HHAT: variants seen among roughly 807,000 people sequenced by gnomAD.
HHAT encodes the protein protein-cysteine N-palmitoyltransferase HHAT.
HHAT carries 47 observed loss-of-function variants against 70.8 expected under a neutral mutation model. The ratio of observed to expected loss-of-function variants is 0.66; its 90% CI spans 0.53 to 0.85. The LOEUF (loss-of-function observed/expected upper bound fraction) is 0.85, where lower values mean the gene tolerates loss of function less well. HHAT is among the 40% of genes least tolerant of loss of function. HHAT has a pLI of 0.00. For synonymous variants in HHAT, 228 were observed against 247.6 expected (o/e 0.92, Z 0.74); for missense variants, 609 against 604.8 (o/e 1.01, Z -0.07).
At chr1:210,425,192 G>A (rs112464626) in intron 7 of HHAT, among the ~76,000 whole-genome samples, 7,330 of 152,160 alleles carry the variant, frequency 0.048, 225 homozygotes, top group Non-Finnish European at 0.068. Context: ...ATTACTTAAT[G>A]AGATTGTTTA....
intron 9 of HHAT, among the ~76,000 whole-genome samples, chr1:210,547,474 C>T (rs2095493567): frequency 6.6e-6 from 1 of 152,164 alleles, no homozygotes. Flanking sequence ...CATATGGAAT[C>T]CCGTTAAGAA....
chr1:210,397,605 A>G (rs2091862087), intron 4 of HHAT, among the ~76,000 whole-genome samples: 1 of 151,946 alleles, frequency 6.6e-6, no homozygotes, highest in Admixed American at 6.6e-5. Flanking sequence ...GGTTGATGTC[A>G]GAAGCTTAAT....
At chr1:210,525,626 A>C (rs2095233993) in intron 9 of HHAT, among the ~76,000 whole-genome samples, 1 of 152,214 alleles carries the variant, frequency 6.6e-6, no homozygotes, top group East Asian at 1.9e-4. Context: ...GAGACAATCC[A>C]GATTTAAAAA....
intron 10 of HHAT, among the ~76,000 whole-genome samples, chr1:210,618,395 C>T (rs554964563): frequency 6.6e-6 from 1 of 152,140 alleles, no homozygotes; most frequent in South Asian, 2.1e-4. Flanking sequence ...CCTCTCTTAC[C>T]CTCTGGTTAG....
At position 210,352,328 on chromosome 1, in the gene HHAT, C is replaced by G. The variant is rs983330525; in HGVS notation, c.91+3262C>G. 7.9e-5 allele frequency among the ~76,000 whole-genome samples: 12 copies of G among 152,190 alleles called. 1 individual carries two copies. The highest frequency in any genetic ancestry group is 2.9e-4 in the African/African-American group (12 of 41,454). On this transcript the variant is annotated intron_variant, in intron 2 of 11. Transcript: ENST00000261458. ...CTCAAATGCTTTTGCCAGTTTACCT[C>G]ACGGGAGCCAGATCCCCATGCCATG...
At chr1:210,383,821 G>A (rs2090841048) in intron 3 of HHAT, among the ~76,000 whole-genome samples, 2 of 152,186 alleles carry the variant, frequency 1.3e-5, no homozygotes, top group South Asian at 4.1e-4. Context: ...AGATTGTTAT[G>A]AGGCTGTAAT....
intron 9 of HHAT, among the ~76,000 whole-genome samples, chr1:210,520,386 C>G (rs1354190496): frequency 6.6e-6 from 1 of 152,156 alleles, no homozygotes; most frequent in African/African-American, 2.4e-5. Flanking sequence ...AGGACTTACT[C>G]CTGCCATTTT....
intron 11 of HHAT, among the ~76,000 whole-genome samples, chr1:210,628,327 AAAAG>A (rs1003276501): frequency 4.0e-5 from 6 of 149,046 alleles, no homozygotes; most frequent in African/African-American, 1.5e-4. Flanking sequence ...TTGTTTAAAA[AAAAG>A]AAAAAAAAGG....
chr1:210,630,194 A>G (rs1189955802), intron 11 of HHAT, among the ~76,000 whole-genome samples: 1 of 152,094 alleles, frequency 6.6e-6, no homozygotes, highest in Non-Finnish European at 1.5e-5. Context: ...GCCTGCCCGG[A>G]TAGTCCAGAG....
intron 3 of HHAT, among the ~76,000 whole-genome samples, chr1:210,380,578 A>G (rs902748795): frequency 6.6e-6 from 1 of 152,000 alleles, no homozygotes; most frequent in Non-Finnish European, 1.5e-5. Context: ...TAAAAAGCAC[A>G]ATGGGATAAG....
At chr1:210,472,936 A>G (rs1035377455) in intron 8 of HHAT, among the ~76,000 whole-genome samples, 13 of 152,180 alleles carry the variant, frequency 8.5e-5, no homozygotes, top group African/African-American at 3.1e-4. Context: ...CTGGGTTAAG[A>G]GAAGGGGTTG....
intron 11 of HHAT, among the ~76,000 whole-genome samples, chr1:210,653,897 G>C (rs920869018): frequency 6.6e-6 from 1 of 152,282 alleles, no homozygotes; most frequent in Non-Finnish European, 1.5e-5. Context: ...CAGTGGAATA[G>C]TGTGACGGGA....
At chr1:210,362,725 G>A (rs1338617181) in intron 2 of HHAT, 127 bp from the exon 3 acceptor site, 6 of 704,268 alleles carry the variant, frequency 8.5e-6, no homozygotes, top group South Asian at 1.7e-5. Context: ...GTATGTTTCC[G>A]TGCCTGCACC....
intron 3 of HHAT, among the ~76,000 whole-genome samples, chr1:210,370,666 G>A (rs1248194915): frequency 7.0e-6 from 1 of 143,096 alleles, no homozygotes; most frequent in African/African-American, 2.6e-5. Context: ...CCAGGCTGGA[G>A]TGCAGTGACA....
chr1:210,489,860 C>T (rs1487467136), intron 8 of HHAT, among the ~76,000 whole-genome samples: 1 of 152,144 alleles, frequency 6.6e-6, no homozygotes, highest in Non-Finnish European at 1.5e-5. Context: ...AGGTATGCAT[C>T]CCCCACAGCC....
At chr1:210,514,782 A>G (rs2095026220) in intron 9 of HHAT, among the ~76,000 whole-genome samples, 1 of 152,200 alleles carries the variant, frequency 6.6e-6, no homozygotes, top group African/African-American at 2.4e-5. Flanking sequence ...TACCATGTCC[A>G]CTTACTTGGA....
chr1:210,579,049 G>A (rs1658576884), intron 9 of HHAT, among the ~76,000 whole-genome samples: 1 of 152,058 alleles, frequency 6.6e-6, no homozygotes, highest in African/African-American at 2.4e-5. Flanking sequence ...TAGCAGAAAC[G>A]GAAAACCACA....
Position 210,484,692 on chromosome 1 carries a change from T to C in HHAT, c.1007+20037T>C, listed in dbSNP as rs570993074. Among the ~76,000 whole-genome samples, 6 of 152,336 alleles carry C rather than the reference T, an allele frequency of 3.9e-5. No homozygotes were observed. In the South Asian group the frequency reaches 6.2e-4, roughly 16 times the overall value. On this transcript the variant is annotated intron_variant, in intron 8 of 11. Coordinates refer to ENST00000261458, the MANE Select transcript of HHAT (RefSeq NM_018194.6). ...TTACCAGTGGCACTAGGCATTCTTTTGAAAACATGAGCTCCTTCCCCCAAT... is the reference window on the plus strand; with the variant it reads ...TTACCAGTGGCACTAGGCATTCTTTCGAAAACATGAGCTCCTTCCCCCAAT...
intron 6 of HHAT, among the ~76,000 whole-genome samples, chr1:210,415,303 T>C (rs1476153820): frequency 6.6e-6 from 1 of 152,200 alleles, no homozygotes; most frequent in Non-Finnish European, 1.5e-5. Flanking sequence ...ATTGACTGGC[T>C]TGTAACAGAT....
Sources: gnomAD v4.1 joint callset for allele counts (sites outside exome capture counted in the v4.1 genomes callset) on GRCh38, gnomAD v4.1.1 for gene constraint, MANE v1.5 for transcripts, NCBI Gene and HGNC (gene_info 2026-07-23, HGNC 2026-07-21) for gene names.